KANSL3: variants seen among roughly 807,000 people sequenced by gnomAD.
KANSL3 encodes KAT8 regulatory NSL complex subunit 3.
KANSL3 carries 16 observed loss-of-function variants against 89.2 expected under a neutral mutation model. The observed-to-expected ratio is 0.18, with a 90% CI of 0.12 to 0.27. The LOEUF (loss-of-function observed/expected upper bound fraction) is 0.27. KANSL3 is among the 10% of genes least tolerant of loss of function. The probability of loss-of-function intolerance (pLI) is 1.00; values close to 1 mark genes in which losing one functional copy is unlikely to be tolerated. For synonymous variants in KANSL3, 385 were observed against 419.7 expected (o/e 0.92, Z 1.01); for missense variants, 879 against 1,110.6 (o/e 0.79, Z 2.96).
downstream of KANSL3, among the ~76,000 whole-genome samples, chr2:96,591,166 G>A (rs904928047): frequency 6.6e-6 from 1 of 152,126 alleles, no homozygotes; most frequent in Non-Finnish European, 1.5e-5. Flanking sequence ...AGCAATAAAA[G>A]GAATGAACTA....
chr2:96,628,120 G>C (rs1417438720), intron 3 of KANSL3: 1 of 1,290,066 alleles, frequency 7.8e-7, no homozygotes, highest in South Asian at 1.2e-5. Context: ...GAATCTGTCA[G>C]TGTTTCTCTA....
rs767780740 is a variant in KANSL3 at position 96,604,759 on chromosome 2, A to G, written c.2018+20T>C. Reference sequence around the variant, plus strand: ...GAAGGGAAAAAAGGAATAGACACAGATGGTCCAATAAACACTCACTTGGCT... The same window carrying G: ...GAAGGGAAAAAAGGAATAGACACAGGTGGTCCAATAAACACTCACTTGGCT... On this transcript the variant is annotated intron_variant, in intron 16 of 20. Transcript: ENST00000431828. 3 of 1,568,126 alleles carry G rather than the reference A, an allele frequency of 1.9e-6. No individual in the cohort carries two copies. The South Asian group carries it at 3.5e-5, about 18-fold the overall frequency.
chr2:96,623,456 T>C (rs533484803), intron 3 of KANSL3, among the ~76,000 whole-genome samples: 32 of 152,348 alleles, frequency 2.1e-4, no homozygotes, highest in Middle Eastern at 3.4e-3. Context: ...ACCAACAGTA[T>C]GGCCCAGTGA....
Position 96,609,485 on chromosome 2 carries a change from A to G in KANSL3, c.1383+14T>C. 6.2e-7 allele frequency: 1 copy of G among 1,612,894 alleles called. No homozygotes were observed. Among genetic ancestry groups the G allele is most frequent in the Middle Eastern group, 1.7e-4 (1 of 6,058 alleles). On this transcript the variant is annotated intron_variant, in intron 12 of 20. Coordinates refer to ENST00000431828, the MANE Select transcript of KANSL3 (RefSeq NM_001115016.3). The stretch of plus-strand genomic sequence containing the variant: ...CAAGCCTAGCTGAGAAAAGCACACA[A>G]AACAACTGTTTACCTGAATACATCT...
chr2:96,604,496 A>G (rs1171640073), intron 16 of KANSL3, 116 bp from the exon 17 acceptor site: 1 of 1,237,192 alleles, frequency 8.1e-7, no homozygotes, highest in Admixed American at 2.5e-5. Flanking sequence ...ACATACACCA[A>G]AAACCTTCAG....
At chr2:96,614,689 T>G (rs577994901) in intron 5 of KANSL3, among the ~76,000 whole-genome samples, 2 of 149,376 alleles carry the variant, frequency 1.3e-5, no homozygotes, top group South Asian at 4.2e-4. Context: ...GAGAATCACC[T>G]GAACCCGGGA....
chr2:96,609,500 T>C lies in KANSL3; in HGVS notation c.1382A>G (p.Gln461Arg), dbSNP rs761262407. The change falls in exon 12 of 21, where the codon CAG becomes CGG. Residue 461 changes from glutamine (Q) to arginine (R), a missense_variant and splice_region_variant. By Grantham distance (43) the Gln-to-Arg change is conservative (BLOSUM62 1). Coordinates refer to ENST00000431828, the MANE Select transcript of KANSL3 (RefSeq NM_001115016.3). ...AAAGCACACAAAACAACTGTTTACC[T>C]GAATACATCTGTCCACCATGCTCTG... ...LTQSMVDRCI[Q>R]DEIVDFLTGV... The C allele has an allele frequency of 3.1e-6, 5 of 1,613,570 alleles. No homozygotes were observed. The East Asian group carries it at 6.7e-5, about 22-fold the overall frequency.
At chr2:96,628,009 T>C (rs540855608) in intron 3 of KANSL3, 98 of 1,290,244 alleles carry the variant, frequency 7.6e-5, no homozygotes, top group African/African-American at 2.1e-4. Context: ...ATCTGATAAA[T>C]TGAGCTTTAA....
intron 20 of KANSL3, 81 bp from the exon 21 acceptor site, chr2:96,595,712 C>T (rs2066468821): frequency 1.4e-6 from 2 of 1,445,930 alleles, no homozygotes; most frequent in Admixed American, 4.0e-5. Context: ...CCAATTATCC[C>T]AACTCCTGAG....
chr2:96,581,672 T>TTA, the KANSL3 span, among the ~76,000 whole-genome samples: 1 of 152,200 alleles, frequency 6.6e-6, no homozygotes, highest in African/African-American at 2.4e-5. Context: ...ACAACAAACT[T>TTA]TATAGATACT....
At chr2:96,601,598 C>G (rs1164524331) in intron 20 of KANSL3, 45 bp downstream of exon 20, 1 of 1,597,922 alleles carries the variant, frequency 6.3e-7, no homozygotes, top group African/African-American at 1.3e-5. Flanking sequence ...TCTTAAACTT[C>G]CCAATAATGA....
At chr2:96,586,965 C>A in the KANSL3 span, among the ~76,000 whole-genome samples, 1 of 152,186 alleles carries the variant, frequency 6.6e-6, no homozygotes, top group African/African-American at 2.4e-5. Flanking sequence ...ATAACAGTTT[C>A]CTGTTGTTTC....
At chr2:96,625,860 A>G (rs1318597227) in intron 3 of KANSL3, among the ~76,000 whole-genome samples, 1 of 152,202 alleles carries the variant, frequency 6.6e-6, no homozygotes, top group African/African-American at 2.4e-5. Context: ...TGCAAGAGAT[A>G]TAATTAGCAA....
chr2:96,628,379 A>G (rs2072775794), intron 3 of KANSL3: 1 of 424,474 alleles, frequency 2.4e-6, no homozygotes, highest in African/African-American at 2.1e-5. Context: ...AGCCAAGTGC[A>G]GTGGCTCACA....
downstream of KANSL3, among the ~76,000 whole-genome samples, chr2:96,592,447 C>T (rs2066293434): frequency 6.6e-6 from 1 of 152,196 alleles, no homozygotes; most frequent in Non-Finnish European, 1.5e-5. Context: ...ACCCCACCTA[C>T]TGACGTAGGC....
In KANSL3 at chr2:96,608,528, A is replaced by G; in HGVS notation, c.1721T>C (p.Leu574Pro). 6.2e-7 allele frequency: 1 copy of G among 1,614,084 alleles called. No homozygotes were observed. ...KRHVQRTEAV[L>P]THKQAQVPIS... ...TATACCTTGAGCTTGTTTGTGGGTCAGCACAGCTTCTGTCCGCTGCACATG... is the reference window on the plus strand; with the variant it reads ...TATACCTTGAGCTTGTTTGTGGGTCGGCACAGCTTCTGTCCGCTGCACATG... Residue 574 changes from leucine to proline, a missense_variant, in exon 14 of 21, where the codon CTG becomes CCG. Around this residue, in one of 6 missense-constraint regions of KANSL3, gnomAD observed 317 missense variants for 311.2 expected, o/e 1.02. Coordinates refer to ENST00000431828, the MANE Select transcript of KANSL3 (RefSeq NM_001115016.3).
chr2:96,621,392 T>C (rs1202959669), intron 3 of KANSL3, among the ~76,000 whole-genome samples: 3 of 151,968 alleles, frequency 2.0e-5, no homozygotes, highest in African/African-American at 7.3e-5. Context: ...CATGCGCCTG[T>C]AGTCCCAGCT....
At chr2:96,585,485 T>C in the KANSL3 span, among the ~76,000 whole-genome samples, 1 of 152,128 alleles carries the variant, frequency 6.6e-6, no homozygotes, top group Non-Finnish European at 1.5e-5. Context: ...GATGCTGGCA[T>C]GAAAAGGGAA....
At chr2:96,604,544 T>C (rs890673132) in intron 16 of KANSL3, among the ~76,000 whole-genome samples, 164 bp from the exon 17 acceptor site, 2 of 152,190 alleles carry the variant, frequency 1.3e-5, no homozygotes, top group African/African-American at 4.8e-5. Context: ...CCTCTAGTCT[T>C]CTAAAAGTCC....
Sources: allele counts gnomAD v4.1 joint callset (sites outside exome capture counted in the v4.1 genomes callset), GRCh38; gene constraint gnomAD v4.1.1; regional missense constraint gnomAD v4.1.1; transcripts MANE v1.5; gene names NCBI Gene and HGNC (gene_info 2026-07-23, HGNC 2026-07-21).